CRYM: variants seen among roughly 807,000 people sequenced by gnomAD.
CRYM encodes the protein ketimine reductase mu-crystallin.
In CRYM, 18 loss-of-function variants were observed where a neutral mutation model predicts 32.9. The observed-to-expected ratio is 0.55, with a 90% CI of 0.38 to 0.81. CRYM has a LOEUF of 0.81. CRYM is among the 30% of genes least tolerant of loss of function. The pLI, the probability that CRYM is intolerant of heterozygous loss-of-function variation, is 0.00. For synonymous variants in CRYM, 153 were observed against 152.4 expected, an observed-to-expected ratio of 1.00 and a Z score of -0.03; for missense variants, 337 against 393.5, an observed-to-expected ratio of 0.86 and a Z score of 1.21.
At chr16:21,297,732 A>G (rs989083887) in intron 1 of CRYM, among the ~76,000 whole-genome samples, 1 of 152,194 alleles carries the variant, frequency 6.6e-6, no homozygotes, top group Non-Finnish European at 1.5e-5. Flanking sequence ...GTGTATTTCC[A>G]TTGACATGTA....
In CRYM at chr16:21,259,443, C is replaced by T. The variant is rs78956306; in HGVS notation, c.881-598G>A. Among the ~76,000 whole-genome samples, 3,852 of 152,118 alleles carry T rather than the reference C, an allele frequency of 0.025. 320 individuals are homozygous for T. The East Asian group carries it at 0.33, about 13-fold the overall frequency. ...TTTCAAAAAGGGTCAGACAGTAAAT[C>T]CTTTAGGCTTTGTGGGCCACAGGGT... On this transcript the variant is annotated intron_variant, in intron 7 of 7. Transcript: ENST00000572914.
chr16:21,301,807 G>T (rs1459038562), intron 1 of CRYM, among the ~76,000 whole-genome samples: 1 of 152,184 alleles, frequency 6.6e-6, no homozygotes, highest in Non-Finnish European at 1.5e-5. Flanking sequence ...TGGTTGGGGA[G>T]GGCGTTGGGA....
In CRYM at chr16:21,277,603, C is replaced by T. The variant is rs200138904; in HGVS notation, c.171-19G>A. 1.1e-5 allele frequency: 17 copies of T among 1,612,950 alleles called. No individual in the cohort carries two copies. The Middle Eastern group carries it at 1.7e-3, about 165-fold the overall frequency. ...CAGGTAGCTACAAGGAGAGAGGGAG[C>T]AGCTTCAGCCCCTTCCCATCAATGC... On this transcript the variant is annotated intron_variant, in intron 1 of 7. Transcript: ENST00000572914. This position sits in a 1 kb window ranked among gnomAD's most constrained non-coding sequence, Gnocchi z 4.2.
chr16:21,299,142 T>G (rs536690263), intron 1 of CRYM, among the ~76,000 whole-genome samples: 9 of 152,260 alleles, frequency 5.9e-5, no homozygotes, highest in African/African-American at 2.2e-4. Context: ...TTAATCCTTA[T>G]TGTTATTAAT....
intron 4 of CRYM, among the ~76,000 whole-genome samples, chr16:21,269,143 CAA>C (rs35798113): frequency 5.5e-4 from 43 of 78,460 alleles, no homozygotes; most frequent in African/African-American, 1.1e-3. Context: ...GACTCCATTT[CAA>C]AAAAAAAAAA....
In CRYM at chr16:21,262,168, A is replaced by G; in HGVS notation, c.674-10T>C. 2.5e-6 allele frequency: 4 copies of G among 1,614,014 alleles called. No individual in the cohort carries two copies. The highest frequency in any genetic ancestry group is 3.4e-6 in the Non-Finnish European group (4 of 1,179,918). The stretch of plus-strand genomic sequence containing the variant: ...CTGCTGGCTCCAACAGCTAAGAGAC[A>G]GCAAAACAGACCTTAAGCCCAGGAT... On this transcript the variant is annotated splice_polypyrimidine_tract_variant and intron_variant, in intron 5 of 7. Coordinates refer to ENST00000572914, the MANE Select transcript of CRYM (RefSeq NM_001376256.1).
intron 1 of CRYM, among the ~76,000 whole-genome samples, chr16:21,290,342 C>T (rs1288076154): frequency 6.6e-6 from 1 of 151,992 alleles, no homozygotes; most frequent in Admixed American, 6.6e-5. Context: ...GATGTGCCAC[C>T]TTTAAGAGCT....
intron 7 of CRYM, among the ~76,000 whole-genome samples, chr16:21,260,753 C>G (rs1022241365): frequency 6.6e-6 from 1 of 152,170 alleles, no homozygotes; most frequent in Non-Finnish European, 1.5e-5. Context: ...GGAAGCCCTC[C>G]TCAAAGCAGC....
intron 1 of CRYM, among the ~76,000 whole-genome samples, chr16:21,294,429 C>T (rs1004909774): frequency 6.6e-6 from 1 of 152,124 alleles, no homozygotes; most frequent in Admixed American, 6.5e-5. Flanking sequence ...TGGTTTGCTG[C>T]ACCTATCAAC....
chr16:21,258,918 G>T (rs2093349295), intron 7 of CRYM, 73 bp from the exon 8 acceptor site: 2 of 1,262,148 alleles, frequency 1.6e-6, no homozygotes, highest in Non-Finnish European at 2.3e-6. Flanking sequence ...CCCCATGGCT[G>T]GAAGTTTCCT....
chr16:21,259,659 C>T (rs1035752160), intron 7 of CRYM, among the ~76,000 whole-genome samples: 2 of 152,186 alleles, frequency 1.3e-5, no homozygotes, highest in African/African-American at 4.8e-5. Context: ...CCATTTCTAG[C>T]TCATAGGCCA....
At chr16:21,279,678 G>C (rs541739775), upstream of CRYM, among the ~76,000 whole-genome samples, 17 of 152,356 alleles carry the variant, frequency 1.1e-4, no homozygotes, top group South Asian at 3.3e-3. Flanking sequence ...AGCGAGAGCA[G>C]AGCCTGGGAG....
rs528058202 is a variant in CRYM, at chr16:21,277,022, C to T, written c.324+409G>A. 6.6e-6 allele frequency among the ~76,000 whole-genome samples: 1 copy of T among 152,234 alleles called. No homozygotes were observed. The highest frequency in any genetic ancestry group is 1.5e-5 in the Non-Finnish European group (1 of 68,020). ...GATTAGATATTAAAACAGGTCACAC[C>T]GTATACCCCTCTGAAGACTCCCAGG... On this transcript the variant is annotated intron_variant, in intron 2 of 7. Transcript: ENST00000572914. The surrounding 1 kb of genome is among the most constrained non-coding windows in gnomAD (Gnocchi z 4.2).
chr16:21,273,258 G>C (rs1157977171), intron 3 of CRYM, among the ~76,000 whole-genome samples: 1 of 152,090 alleles, frequency 6.6e-6, no homozygotes, highest in African/African-American at 2.4e-5. Flanking sequence ...TCCCCAACAA[G>C]AGCCCTAAAT....
intron 1 of CRYM, among the ~76,000 whole-genome samples, chr16:21,293,648 T>A (rs1226150211): frequency 6.6e-6 from 1 of 152,084 alleles, no homozygotes; most frequent in Non-Finnish European, 1.5e-5. Context: ...CAAAGAGAAA[T>A]AAGGACATGT....
rs190979993 is a variant in CRYM, at chr16:21,271,095, T to A, written c.388-1204A>T. On this transcript the variant is annotated intron_variant, in intron 3 of 7. Coordinates refer to ENST00000572914, the MANE Select transcript of CRYM (RefSeq NM_001376256.1). ...CTGGGCTTCTCAACCTCGGTACTAC[T>A]AACATTTGGGCTGGACAATTCTTTA... Among the ~76,000 whole-genome samples the A allele has an allele frequency of 2.6e-5, 4 of 152,336 alleles. No individual in the cohort carries two copies. The East Asian group carries it at 5.8e-4, about 22-fold the overall frequency.
intron 6 of CRYM, 147 bp from the exon 7 acceptor site, chr16:21,261,485 T>C (rs1433512019): frequency 5.9e-6 from 4 of 677,422 alleles, no homozygotes; most frequent in East Asian, 5.4e-5. Context: ...CTTTGTACAC[T>C]GAATGATATT....
chr16:21,277,979 T>G lies in CRYM; in HGVS notation c.170+103A>C. ...TAAAAGTGGCAGCTGTTAGCAACGG[T>G]TAGGCAAGCCGTCTCTTCCCTTCTC... is the stretch of plus-strand genomic sequence containing the variant. On this transcript the variant is annotated intron_variant, in intron 1 of 7. Transcript: ENST00000572914. The surrounding 1 kb of genome is among the most constrained non-coding windows in gnomAD (Gnocchi z 4.2). 1.9e-5 allele frequency: 25 copies of G among 1,339,338 alleles called. No individual in the cohort carries two copies. The highest frequency in any genetic ancestry group is 2.5e-5 in the Non-Finnish European group (25 of 989,852). 83.0% of individuals were successfully genotyped at this position (1,339,338 alleles called of 1,614,324 possible).
chr16:21,301,565 A>G (rs1382338711), intron 1 of CRYM, among the ~76,000 whole-genome samples: 1 of 152,122 alleles, frequency 6.6e-6, no homozygotes, highest in African/African-American at 2.4e-5. Flanking sequence ...GCTGCGGGAT[A>G]ATAGGTGGAA....
Sources: allele counts gnomAD v4.1 joint callset (sites outside exome capture counted in the v4.1 genomes callset), GRCh38; gene constraint gnomAD v4.1.1; non-coding constraint Gnocchi (gnomAD v3.1); transcripts MANE v1.5; gene names NCBI Gene and HGNC (gene_info 2026-07-23, HGNC 2026-07-21).